FGF12: variants seen among roughly 807,000 people sequenced by gnomAD.
FGF12 encodes the protein fibroblast growth factor 12, also known as fibroblast growth factor 12B.
In FGF12, 14 loss-of-function variants were observed where a neutral mutation model predicts 23.6. The observed-to-expected ratio is 0.59, with a 90% CI of 0.39 to 0.93. The LOEUF (loss-of-function observed/expected upper bound fraction) is 0.93. Among genes scored for constraint, FGF12 ranks in the 40% least tolerant of loss-of-function variants. The pLI is 0.00. For missense variants in FGF12, 175 were observed against 217.8 expected (o/e 0.80, Z 1.24); for synonymous variants, 62 against 77.3 (o/e 0.80, Z 1.04).
intron 2 of FGF12, among the ~76,000 whole-genome samples, chr3:192,630,964 C>T (rs1015950709): frequency 6.6e-6 from 1 of 152,138 alleles, no homozygotes; most frequent in Non-Finnish European, 1.5e-5. Flanking sequence ...TTCACATCTG[C>T]AGGCACTTCC....
intron 2 of FGF12, among the ~76,000 whole-genome samples, chr3:192,724,668 G>A (rs1277202516): frequency 6.6e-6 from 1 of 152,218 alleles, no homozygotes; most frequent in Non-Finnish European, 1.5e-5. Context: ...GTCAACTGAT[G>A]TATTTTCCTC....
Position 192,408,560 on chromosome 3 carries a change from T to C in FGF12, c.14-48022A>G, listed in dbSNP as rs1207541288. The C allele has an allele frequency of 5.3e-6, 6 of 1,131,608 alleles. No individual in the cohort carries two copies. The highest frequency in any genetic ancestry group is 6.5e-6 in the Non-Finnish European group (6 of 922,672). The allele number at this position is 1,131,608 out of a possible 1,614,324, so 70.1% of individuals were successfully genotyped here. ...TCGGCGTCCAAGGGGCAGTGGGGAGTTTAGTCACACTGCGTTCGGGGTACC... is the reference window on the plus strand; with the variant it reads ...TCGGCGTCCAAGGGGCAGTGGGGAGCTTAGTCACACTGCGTTCGGGGTACC... On this transcript the variant is annotated intron_variant, in intron 2 of 5. Coordinates refer to ENST00000445105, the MANE Select transcript of FGF12 (RefSeq NM_004113.6). The surrounding 1 kb of genome is among the most constrained non-coding windows in gnomAD (Gnocchi z 7.3).
chr3:192,628,648 T>C (rs1715271465), intron 2 of FGF12, among the ~76,000 whole-genome samples: 1 of 150,244 alleles, frequency 6.7e-6, no homozygotes, highest in South Asian at 2.1e-4. Context: ...ATAGATTTAA[T>C]GTATATATAG....
chr3:192,621,184 C>T (rs1714963223), intron 2 of FGF12, among the ~76,000 whole-genome samples: 1 of 152,076 alleles, frequency 6.6e-6, no homozygotes, highest in Non-Finnish European at 1.5e-5. Context: ...TTCCTGCCTG[C>T]ATTTAGCTGG....
At chr3:192,455,023 C>A (rs1722637022) in intron 2 of FGF12, among the ~76,000 whole-genome samples, 1 of 152,142 alleles carries the variant, frequency 6.6e-6, no homozygotes, top group African/African-American at 2.4e-5. Context: ...TCCCCCAATT[C>A]TCAATGTATT....
intron 2 of FGF12, among the ~76,000 whole-genome samples, chr3:192,596,660 T>C (rs1184837225): frequency 2.0e-5 from 3 of 152,176 alleles, no homozygotes; most frequent in East Asian, 1.9e-4. Flanking sequence ...GAAAACTAGA[T>C]TAAAAATGCC....
chr3:192,302,752 A>G (rs1443805884), intron 4 of FGF12, among the ~76,000 whole-genome samples: 2 of 152,236 alleles, frequency 1.3e-5, no homozygotes, highest in Admixed American at 1.3e-4. Context: ...TTAATGGGAG[A>G]GGTACATGTG....
intron 2 of FGF12, among the ~76,000 whole-genome samples, chr3:192,476,760 G>C (rs142548520): frequency 1.3e-5 from 2 of 152,140 alleles, no homozygotes; most frequent in Non-Finnish European, 2.9e-5. Context: ...GGACACTAGT[G>C]GGAGTAAAGA....
At chr3:192,474,440 C>T (rs2108815420) in intron 2 of FGF12, among the ~76,000 whole-genome samples, 1 of 152,298 alleles carries the variant, frequency 6.6e-6, no homozygotes, top group East Asian at 1.9e-4. Flanking sequence ...CTCATTTTCT[C>T]TGTCACAGTG....
At chr3:192,707,294 C>A (rs983199912) in intron 2 of FGF12, among the ~76,000 whole-genome samples, 1 of 152,248 alleles carries the variant, frequency 6.6e-6, no homozygotes, top group East Asian at 1.9e-4. Context: ...AATGACAAGG[C>A]TGTACTTAGA....
chr3:192,575,903 G>T (rs565194183), intron 2 of FGF12, among the ~76,000 whole-genome samples: 1 of 151,906 alleles, frequency 6.6e-6, no homozygotes, highest in Admixed American at 6.6e-5. Context: ...CTACTATAAG[G>T]TTATATTCTA....
intron 2 of FGF12, among the ~76,000 whole-genome samples, chr3:192,492,638 T>C (rs1723833431): frequency 6.6e-6 from 1 of 152,150 alleles, no homozygotes; most frequent in Non-Finnish European, 1.5e-5. Flanking sequence ...ATGCTAAACT[T>C]GTGATTTTAC....
intron 4 of FGF12, among the ~76,000 whole-genome samples, chr3:192,184,964 C>T (rs1308302534): frequency 6.6e-6 from 1 of 152,218 alleles, no homozygotes; most frequent in Admixed American, 6.5e-5. Context: ...TATCTTATCA[C>T]TTCTCACAGA....
intron 2 of FGF12, among the ~76,000 whole-genome samples, chr3:192,722,909 T>C (rs572905757): frequency 2.6e-5 from 4 of 152,176 alleles, no homozygotes; most frequent in Non-Finnish European, 4.4e-5. Context: ...ACATATCAGA[T>C]GCTCAATAAA....
intron 4 of FGF12, among the ~76,000 whole-genome samples, chr3:192,181,704 C>T (rs1219561926): frequency 2.1e-5 from 3 of 142,994 alleles, no homozygotes; most frequent in Admixed American, 7.3e-5. Flanking sequence ...GATCACTGTT[C>T]GCTGCAACCT....
At chr3:192,502,113 G>T (rs781008400) in intron 2 of FGF12, among the ~76,000 whole-genome samples, 1 of 152,112 alleles carries the variant, frequency 6.6e-6, no homozygotes, top group Admixed American at 6.5e-5. Flanking sequence ...CCTTGTCCTA[G>T]AAATTACTTT....
intron 2 of FGF12, among the ~76,000 whole-genome samples, chr3:192,397,428 C>T (rs1031223445): frequency 7.2e-5 from 11 of 152,186 alleles, no homozygotes; most frequent in African/African-American, 2.4e-4. Context: ...ACTTCCTTTC[C>T]TAGAATTCTG....
At chr3:192,490,144 G>A (rs2108825429) in intron 2 of FGF12, among the ~76,000 whole-genome samples, 1 of 151,974 alleles carries the variant, frequency 6.6e-6, no homozygotes, top group South Asian at 2.1e-4. Context: ...TAGTAGCTCA[G>A]GACTTCTAAA....
At chr3:192,337,437 G>C (rs1577366468) in intron 3 of FGF12, among the ~76,000 whole-genome samples, 1 of 152,142 alleles carries the variant, frequency 6.6e-6, no homozygotes, top group African/African-American at 2.4e-5. Flanking sequence ...GATTTATATT[G>C]GGGGGAAATG....
Sources: gnomAD v4.1 joint callset for allele counts (sites outside exome capture counted in the v4.1 genomes callset) on GRCh38, gnomAD v4.1.1 for gene constraint, Gnocchi (gnomAD v3.1) non-coding constraint, MANE v1.5 for transcripts, NCBI Gene and HGNC (gene_info 2026-07-23, HGNC 2026-07-21) for gene names.